Variants in DAB1 observed in about 807,000 individuals in gnomAD.
DAB1 encodes DAB adaptor protein 1, also known as disabled homolog 1.
Under a neutral mutation model 64.6 loss-of-function variants are expected in DAB1, and 15 were observed. The observed-to-expected ratio is 0.23, with a 90% CI of 0.16 to 0.36. The LOEUF is 0.36. Ranked by LOEUF, DAB1 falls within the 10% of genes least tolerant of loss-of-function variation. The probability of loss-of-function intolerance (pLI) is 1.00; values close to 1 mark genes in which losing one functional copy is unlikely to be tolerated. For synonymous variants in DAB1, 235 were observed against 251.9 expected, an observed-to-expected ratio of 0.93 and a Z score of 0.64; for missense variants, 596 against 706.7, an observed-to-expected ratio of 0.84 and a Z score of 1.78.
At chr1:57,413,360 A>G (rs1035065589) in intron 1 of DAB1, among the ~76,000 whole-genome samples, 3 of 152,216 alleles carry the variant, frequency 2.0e-5, no homozygotes, top group Admixed American at 6.5e-5. Flanking sequence ...ATTATTTAGG[A>G]CATACATTTC....
At chr1:58,187,492 G>T (rs2100218570) in intron 4 of DAB1, among the ~76,000 whole-genome samples, 1 of 150,770 alleles carries the variant, frequency 6.6e-6, no homozygotes, top group African/African-American at 2.4e-5. Flanking sequence ...AAAGAAGCCT[G>T]ACTACAAAGC....
intron 2 of DAB1, among the ~76,000 whole-genome samples, chr1:57,283,799 G>C (rs1466485576): frequency 1.3e-5 from 2 of 152,190 alleles, no homozygotes; most frequent in Admixed American, 6.5e-5. Flanking sequence ...TCCAGCCAGG[G>C]AGCCATTCCT....
At chr1:58,368,258 T>C (rs959697206) in intron 3 of DAB1, among the ~76,000 whole-genome samples, 2 of 152,172 alleles carry the variant, frequency 1.3e-5, no homozygotes, top group Non-Finnish European at 1.5e-5. Flanking sequence ...CTGGAATTCA[T>C]AGGATTTACT....
At chr1:57,240,939 A>G (rs565452620) in intron 2 of DAB1, among the ~76,000 whole-genome samples, 6 of 152,172 alleles carry the variant, frequency 3.9e-5, no homozygotes, top group Non-Finnish European at 8.8e-5. Flanking sequence ...CCCTTCTTGC[A>G]TCTCCTGGTG....
chr1:58,444,992 C>T (rs2100277078), intron 3 of DAB1, among the ~76,000 whole-genome samples: 1 of 152,288 alleles, frequency 6.6e-6, no homozygotes, highest in Non-Finnish European at 1.5e-5. Context: ...TCTTCTACCT[C>T]AAATATATAT....
intron 1 of DAB1, among the ~76,000 whole-genome samples, chr1:57,378,585 C>T (rs1681097412): frequency 6.6e-6 from 1 of 152,170 alleles, no homozygotes; most frequent in Non-Finnish European, 1.5e-5. Context: ...ATAATTCCCT[C>T]CAGGAAGTAC....
intron 7 of DAB1, among the ~76,000 whole-genome samples, chr1:57,440,513 G>A (rs1570521807): frequency 6.6e-6 from 1 of 152,080 alleles, no homozygotes; most frequent in Non-Finnish European, 1.5e-5. Flanking sequence ...TGGTGACTGA[G>A]CAAAGAGGAA....
rs1465019425 is a variant in DAB1, at chr1:57,548,705, G to A, written n.625+100887C>T. ...TTGAATGTTTTTACATAGTGCTGGA[G>A]CCTGGCATACTTTTTGCCCCAGAGG... On this transcript the variant is annotated intron_variant and non_coding_transcript_variant, in intron 7 of 20. Transcript: ENST00000485760. 2.0e-5 allele frequency among the ~76,000 whole-genome samples: 3 copies of A among 152,126 alleles called. No individual in the cohort carries two copies. In the East Asian group the frequency reaches 5.8e-4, roughly 29 times the overall value.
intron 12 of DAB1, among the ~76,000 whole-genome samples, chr1:57,011,922 G>A (rs1370796300): frequency 1.3e-5 from 2 of 152,222 alleles, no homozygotes; most frequent in African/African-American, 4.8e-5. Context: ...AAGAGAAAGT[G>A]TCTCAGTGAT....
At chr1:57,095,691 G>C (rs563677242) in intron 4 of DAB1, among the ~76,000 whole-genome samples, 15 of 152,282 alleles carry the variant, frequency 9.9e-5, no homozygotes, top group South Asian at 2.1e-4. Flanking sequence ...TGAAAGTATG[G>C]AGGCTAGGTG....
chr1:58,052,341 G>A (rs541079111), intron 5 of DAB1, among the ~76,000 whole-genome samples: 1 of 152,296 alleles, frequency 6.6e-6, no homozygotes, highest in East Asian at 1.9e-4. Context: ...GTTTGTCAAA[G>A]ATCAGATGGT....
intron 6 of DAB1, among the ~76,000 whole-genome samples, chr1:57,791,293 G>C (rs555494841): frequency 1.6e-4 from 25 of 152,240 alleles, no homozygotes; most frequent in Admixed American, 1.4e-3. Context: ...TCTCACAACT[G>C]CTCTTTGAGA....
rs188158136 is a variant in DAB1 at position 57,756,048 on chromosome 1, T to G, written n.552-106383A>C. 1.1e-4 allele frequency among the ~76,000 whole-genome samples: 17 copies of G among 152,332 alleles called. No individual in the cohort carries two copies. In the East Asian group the frequency reaches 3.3e-3, roughly 29 times the overall value. On this transcript the variant is annotated intron_variant and non_coding_transcript_variant, in intron 6 of 20. Transcript: ENST00000485760. ...CTGTACTTACTCTGCAACTGGCAAC[T>G]AACCTGTAAAATGGCAGTGGGATTT...
intron 14 of DAB1, among the ~76,000 whole-genome samples, chr1:57,001,012 A>G (rs1179749025): frequency 1.3e-5 from 2 of 152,202 alleles, no homozygotes; most frequent in African/African-American, 4.8e-5. Context: ...TCAACTCTCA[A>G]TTATCCCCAC....
intron 4 of DAB1, among the ~76,000 whole-genome samples, chr1:57,095,547 T>C (rs1654080899): frequency 6.6e-6 from 1 of 152,218 alleles, no homozygotes; most frequent in South Asian, 2.1e-4. Context: ...AAGTCTCAGT[T>C]ACTTTGGGTT....
At chr1:57,298,133 TA>T (rs1313174212) in intron 1 of DAB1, among the ~76,000 whole-genome samples, 1 of 152,172 alleles carries the variant, frequency 6.6e-6, no homozygotes, top group Non-Finnish European at 1.5e-5. Flanking sequence ...TTTTTATTTT[TA>T]TTTTTTAATG....
At chr1:57,100,757 G>C in intron 4 of DAB1, among the ~76,000 whole-genome samples, 1 of 150,132 alleles carries the variant, frequency 6.7e-6, no homozygotes, top group Non-Finnish European at 1.5e-5. Context: ...GCCAAGCTGG[G>C]GTGGGGGTGG....
At chr1:58,517,945 A>G (rs1353338516) in intron 2 of DAB1, among the ~76,000 whole-genome samples, 4 of 151,542 alleles carry the variant, frequency 2.6e-5, no homozygotes, top group Admixed American at 2.6e-4. Context: ...CCAGCACTTT[A>G]GGAGGCCAAA....
At chr1:57,435,908 TTTTCTTTC>T (rs1309904058) in intron 7 of DAB1, among the ~76,000 whole-genome samples, 1 of 151,438 alleles carries the variant, frequency 6.6e-6, no homozygotes, top group African/African-American at 2.4e-5. Flanking sequence ...TAGACTTTTT[TTTTCTTTC>T]TTTTTTTTTT....
Sources: allele counts gnomAD v4.1 joint callset (sites outside exome capture counted in the v4.1 genomes callset), GRCh38; gene constraint gnomAD v4.1.1; transcripts MANE v1.5; gene names NCBI Gene and HGNC (gene_info 2026-07-23, HGNC 2026-07-21).